SDC4: variants seen among roughly 807,000 people sequenced by gnomAD.
SDC4 encodes the protein syndecan-4.
Under a neutral mutation model 20.5 loss-of-function variants are expected in SDC4, and 17 were observed. The ratio of observed to expected loss-of-function variants is 0.83; its 90% CI spans 0.57 to 1.25. SDC4 has a LOEUF of 1.25. Among genes scored for constraint, SDC4 ranks in the 50% most tolerant of loss-of-function variants. The pLI is 0.00. For missense variants in SDC4, 241 were observed against 252.3 expected (o/e 0.96, Z 0.30); for synonymous variants, 107 against 105.3 (o/e 1.02, Z -0.10).
chr20:45,335,900 G>A lies in SDC4; in HGVS notation c.81C>T (p.Ile27=), dbSNP rs772766910. ...GGCCTTCTAGGAGGTCCTGGGGGTC[G>A]ATGACCTCAGTCTCTCGGATCTAAG... is the stretch of plus-strand genomic sequence containing the variant. The part of the protein sequence containing the change: ...VAESIRETEV[I]DPQDLLEGRY... The change falls in exon 2 of 5, where the codon ATC becomes ATT. Residue 27 remains isoleucine, a synonymous_variant. Coordinates refer to ENST00000372733, the MANE Select transcript of SDC4 (RefSeq NM_002999.4). 13 of 1,613,064 alleles carry A rather than the reference G, an allele frequency of 8.1e-6. No individual in the cohort carries two copies. The highest frequency in any genetic ancestry group is 4.5e-5 in the East Asian group (2 of 44,860).
At chr20:45,335,998 G>A in intron 1 of SDC4, 78 bp from the exon 2 acceptor site, 1 of 1,512,176 alleles carries the variant, frequency 6.6e-7, no homozygotes, top group Middle Eastern at 1.7e-4. Context: ...CTAGTGAAGT[G>A]GGCATTCAGA....
At chr20:45,345,412 G>A (rs1014160823) in intron 1 of SDC4, 5 of 152,160 alleles carry the variant, frequency 3.3e-5, no homozygotes, top group South Asian at 4.1e-4. Flanking sequence ...TCAGCCCAGC[G>A]GGGAAAGAGG....
chr20:45,348,190 T>C (rs1988061035), intron 1 of SDC4, 135 bp downstream of exon 1: 4 of 876,758 alleles, frequency 4.6e-6, no homozygotes, highest in African/African-American at 3.4e-5. Context: ...CCAACAAAGT[T>C]TCCCGGGCCT....
In SDC4 at chr20:45,335,789, T is replaced by A. The variant is rs770058935; in HGVS notation, c.192A>T (p.Gly64=). The A allele has an allele frequency of 6.2e-7, 1 of 1,613,664 alleles. No homozygotes were observed. The highest frequency in any genetic ancestry group is 1.7e-5 in the Admixed American group (1 of 59,998). Residue 64 remains glycine (G), a synonymous_variant, in exon 2 of 5, where the codon GGA becomes GGT. Transcript: ENST00000372733. ...CCAGCACACCTTCCGTACCCAGATC[T>A]CCAGAGCCAGACAGCTCAAAGTCAT... The part of the protein sequence containing the change: ...ESDDFELSGS[G]DLDDLEDSMI...
chr20:45,335,963 C>T, intron 1 of SDC4, 43 bp from the exon 2 acceptor site: 1 of 1,593,126 alleles, frequency 6.3e-7, no homozygotes, highest in Non-Finnish European at 8.5e-7. Context: ...ATCCCCAGTG[C>T]TCCATGACAG....
chr20:45,333,099 G>C (rs1267964187), intron 2 of SDC4, 30 bp from the exon 3 acceptor site: 1 of 1,610,502 alleles, frequency 6.2e-7, no homozygotes, highest in Non-Finnish European at 8.5e-7. Flanking sequence ...GTGTGAGTGA[G>C]GTCCATTACC....
chr20:45,337,728 A>C (rs1239751344), intron 1 of SDC4, among the ~76,000 whole-genome samples: 1 of 152,196 alleles, frequency 6.6e-6, no homozygotes, highest in African/African-American at 2.4e-5. Context: ...AGGCAGGTGG[A>C]ACCTGACCCT....
At chr20:45,343,057 C>T (rs867615838) in intron 1 of SDC4, among the ~76,000 whole-genome samples, 113 of 152,220 alleles carry the variant, frequency 7.4e-4, no homozygotes, top group South Asian at 4.6e-3. Flanking sequence ...AGAGCTAGGA[C>T]GGGGGCTGGA....
At position 45,335,329 on chromosome 20, in the gene SDC4, T is replaced by A. The variant is rs182185391; in HGVS notation, c.199+453A>T. Among the ~76,000 whole-genome samples, 5 of 152,148 alleles carry A rather than the reference T, an allele frequency of 3.3e-5. No homozygotes were observed. In the East Asian group the frequency reaches 9.7e-4, roughly 29 times the overall value. ...AGTAGCTGGGACTCCTACAGGTGCA[T>A]GCCACCACATCCAGCTAATTTTTGT... is the stretch of plus-strand genomic sequence containing the variant. On this transcript the variant is annotated intron_variant, in intron 2 of 4. Coordinates refer to ENST00000372733, the MANE Select transcript of SDC4 (RefSeq NM_002999.4).
In SDC4 at chr20:45,330,360, ACTTAC is replaced by A; in HGVS notation, c.445+1_445+5del. The A allele has an allele frequency of 6.2e-7, 1 of 1,613,336 alleles. No homozygotes were observed. Among genetic ancestry groups the A allele is most frequent in the Non-Finnish European group, 8.5e-7 (1 of 1,179,782 alleles). On this transcript the variant is annotated splice_donor_variant and splice_donor_5th_base_variant and intron_variant, in intron 4 of 4. Coordinates refer to ENST00000372733, the MANE Select transcript of SDC4 (RefSeq NM_002999.4). LOFTEE classifies it high-confidence loss of function. Reference sequence around the variant, plus strand: ...AAGGCATCTTATAAGCAGCATGGGGACTTACCTGCCAGGACCTCCGTTCTCTCAAA... The same window carrying A: ...AAGGCATCTTATAAGCAGCATGGGGACTGCCAGGACCTCCGTTCTCTCAAA...
At chr20:45,336,499 G>A (rs183048208) in intron 1 of SDC4, among the ~76,000 whole-genome samples, 1 of 152,290 alleles carries the variant, frequency 6.6e-6, no homozygotes, top group Non-Finnish European at 1.5e-5. Flanking sequence ...TATGTGCTGG[G>A]CCCTGTTTTA....
At chr20:45,327,924 C>G (rs140827901) in intron 4 of SDC4, among the ~76,000 whole-genome samples, 1 of 152,234 alleles carries the variant, frequency 6.6e-6, no homozygotes, top group Non-Finnish European at 1.5e-5. Flanking sequence ...CGTGAGCCAC[C>G]GCACTCGGCC....
rs77624604 is a variant in SDC4, at chr20:45,326,501, G to A, written c.*763C>T. ...ATTAAATACAAACTTAGCAGGTGCT[G>A]TGGAAATGTGCGAGAGAATGAAGAC... is the stretch of plus-strand genomic sequence containing the variant. On this transcript the variant is annotated 3_prime_UTR_variant, in exon 5 of 5. Transcript: ENST00000372733. The A allele has an allele frequency of 5.7e-3, 874 of 152,166 alleles. 5 individuals are homozygous for A. Among genetic ancestry groups the A allele is most frequent in the Non-Finnish European group, 7.5e-3 (512 of 67,996 alleles). 9.4% of individuals were successfully genotyped at this position (152,166 alleles called of 1,614,324 possible).
In SDC4 at chr20:45,331,752, T is replaced by C. The variant is rs546549179; in HGVS notation, c.247-1188A>G. Among the ~76,000 whole-genome samples the C allele has an allele frequency of 2.4e-4, 36 of 152,344 alleles. No homozygotes were observed. In the South Asian group the frequency reaches 3.3e-3, roughly 14 times the overall value. ...AAATGCCCTGGCAAAGTCAGGAAGT[T>C]ACTCTATATGGTCTAAAAAGGGGAG... is the stretch of plus-strand genomic sequence containing the variant. On this transcript the variant is annotated intron_variant, in intron 3 of 4. Transcript: ENST00000372733.
chr20:45,329,105 A>G (rs569927338), intron 4 of SDC4, among the ~76,000 whole-genome samples: 1 of 152,248 alleles, frequency 6.6e-6, no homozygotes, highest in Non-Finnish European at 1.5e-5. Context: ...CACAGGAATC[A>G]TACAGCATAC....
chr20:45,330,686 C>T (rs1332263613), intron 3 of SDC4, 122 bp from the exon 4 acceptor site: 3 of 821,472 alleles, frequency 3.7e-6, no homozygotes, highest in Non-Finnish European at 5.7e-6. Flanking sequence ...ACCATATGGT[C>T]CTGGAGCAGG....
At chr20:45,348,269 A>C in intron 1 of SDC4, 56 bp downstream of exon 1, 2 of 1,306,334 alleles carry the variant, frequency 1.5e-6, no homozygotes, top group Non-Finnish European at 2.1e-6. Context: ...CGAACAAAGG[A>C]GGCACCGGCC....
At chr20:45,328,870 G>C (rs985586) in intron 4 of SDC4, among the ~76,000 whole-genome samples, 1 of 151,936 alleles carries the variant, frequency 6.6e-6, no homozygotes, top group African/African-American at 2.4e-5. Flanking sequence ...TGGAATATCA[G>C]GCATCAACCC....
Position 45,327,091 on chromosome 20 carries a change from A to C in SDC4, c.*173T>G. 1 of 637,558 alleles carries C rather than the reference A, an allele frequency of 1.6e-6. No individual in the cohort carries two copies. The highest frequency in any genetic ancestry group is 2.5e-6 in the Non-Finnish European group (1 of 397,028). The allele number at this position is 637,558 out of a possible 1,614,324, so 39.5% of individuals were successfully genotyped here. A position where few individuals can be genotyped will look rare whatever the true frequency, so the allele number is the denominator to read the frequency against. On this transcript the variant is annotated 3_prime_UTR_variant, in exon 5 of 5. Transcript: ENST00000372733. The stretch of plus-strand genomic sequence containing the variant: ...AACTGAGGCCCAAAGCTCAAGAAGA[A>C]CCTGGCAGAACAGTAGAAGACAATG...
Sources: allele counts gnomAD v4.1 joint callset (sites outside exome capture counted in the v4.1 genomes callset), GRCh38; gene constraint gnomAD v4.1.1; transcripts MANE v1.5; gene names NCBI Gene and HGNC (gene_info 2026-07-23, HGNC 2026-07-21).